Variants in TMED3 observed in about 807,000 individuals in gnomAD.
TMED3 encodes transmembrane p24 trafficking protein 3.
In TMED3, 9 loss-of-function variants were observed where a neutral mutation model predicts 15.0. The ratio of observed to expected loss-of-function variants is 0.60; its 90% CI spans 0.36 to 1.04. The LOEUF (loss-of-function observed/expected upper bound fraction) is 1.04. TMED3 is among the 50% of genes least tolerant of loss of function. The pLI is 0.01. For synonymous variants in TMED3, 117 were observed against 121.4 expected (o/e 0.96, Z 0.24); for missense variants, 267 against 278.9 (o/e 0.96, Z 0.30).
At chr15:79,404,206 CT>C (rs1259521348) in intron 2 of TMED3, among the ~76,000 whole-genome samples, 1 of 152,184 alleles carries the variant, frequency 6.6e-6, no homozygotes, top group Admixed American at 6.6e-5. Context: ...AGTCAAACCC[CT>C]ATATGAATTA....
intron 2 of TMED3, among the ~76,000 whole-genome samples, chr15:79,332,498 A>G (rs1169495298): frequency 6.6e-6 from 1 of 152,234 alleles, no homozygotes; most frequent in Non-Finnish European, 1.5e-5. Context: ...CCTCCCACTA[A>G]GACATGTTAA....
intron 2 of TMED3, among the ~76,000 whole-genome samples, chr15:79,352,084 G>A (rs556620765): frequency 6.6e-6 from 1 of 151,312 alleles, no homozygotes; most frequent in African/African-American, 2.4e-5. Flanking sequence ...GTAGGAGGGG[G>A]GTGAGGGGTA....
At chr15:79,320,819 C>A (rs2058763276) in intron 2 of TMED3, among the ~76,000 whole-genome samples, 1 of 152,202 alleles carries the variant, frequency 6.6e-6, no homozygotes, top group African/African-American at 2.4e-5. Flanking sequence ...TGAGCCTGGG[C>A]AGGTTGGCCA....
intron 2 of TMED3, among the ~76,000 whole-genome samples, chr15:79,408,453 C>A (rs1893930606): frequency 6.6e-6 from 1 of 152,194 alleles, no homozygotes. Context: ...CATAGGGCAT[C>A]TGCAAGGAAG....
chr15:79,379,435 T>A (rs1893482133), intron 2 of TMED3, among the ~76,000 whole-genome samples: 1 of 152,190 alleles, frequency 6.6e-6, no homozygotes, highest in Non-Finnish European at 1.5e-5. Context: ...ACTTTATTTT[T>A]CAATATGTGT....
chr15:79,327,604 A>G (rs530532213), downstream of TMED3, among the ~76,000 whole-genome samples: 4 of 152,256 alleles, frequency 2.6e-5, no homozygotes, highest in African/African-American at 9.6e-5. Flanking sequence ...TGCCTAGCAC[A>G]ATACTGGTCT....
intron 2 of TMED3, among the ~76,000 whole-genome samples, chr15:79,358,474 G>C (rs1893059691): frequency 1.3e-5 from 2 of 152,236 alleles, no homozygotes. Context: ...AGACTGAGCA[G>C]GTTGAGAGTG....
chr15:79,399,961 A>G (rs1893812058), intron 2 of TMED3, among the ~76,000 whole-genome samples: 2 of 152,186 alleles, frequency 1.3e-5, no homozygotes, highest in African/African-American at 4.8e-5. Flanking sequence ...GGTAATTTAC[A>G]AGGTATCCCA....
intron 1 of TMED3, among the ~76,000 whole-genome samples, chr15:79,313,080 C>T (rs2058723655): frequency 6.6e-6 from 1 of 152,198 alleles, no homozygotes; most frequent in Admixed American, 6.5e-5. Flanking sequence ...TTATTGACTC[C>T]TCACTTCATG....
At chr15:79,366,458 T>C (rs1047252786) in intron 2 of TMED3, among the ~76,000 whole-genome samples, 11 of 152,258 alleles carry the variant, frequency 7.2e-5, no homozygotes, top group African/African-American at 2.4e-4. Context: ...TTAGTTTCTA[T>C]AGAGAACCAA....
In TMED3 at chr15:79,353,158, T is replaced by C. The variant is rs1243603577; in HGVS notation, c.417+39153T>C. 1.5e-3 allele frequency among the ~76,000 whole-genome samples: 96 copies of C among 64,174 alleles called. 1 individual carries two copies. The highest frequency in any genetic ancestry group is 6.7e-3 in the African/African-American group (94 of 14,080). 42.1% of individuals were successfully genotyped at this position (64,174 alleles called of 152,430 possible). A position where few individuals can be genotyped will look rare whatever the true frequency, so the allele number is the denominator to read the frequency against. On this transcript the variant is annotated intron_variant, in intron 2 of 2. Transcript: ENST00000424155. The stretch of plus-strand genomic sequence containing the variant: ...ATATATAAAAAATATATAAAATATA[T>C]ATAAATATATATACATAATATATAA...
chr15:79,380,600 T>TATATAGAGAG (rs1179065508), intron 2 of TMED3, among the ~76,000 whole-genome samples: 1 of 146,572 alleles, frequency 6.8e-6, no homozygotes, highest in Admixed American at 6.9e-5. Flanking sequence ...TATATATATA[T>TATATAGAGAG]AGAGAGAGAG....
chr15:79,353,225 ATAATATAT>A (rs2058902059), intron 2 of TMED3, among the ~76,000 whole-genome samples: 25 of 80,196 alleles, frequency 3.1e-4, no homozygotes, highest in Non-Finnish European at 4.8e-4. Context: ...TATATTATAC[ATAATATAT>A]AAAATATATA....
chr15:79,318,744 A>G (rs2058751375), intron 2 of TMED3, among the ~76,000 whole-genome samples: 1 of 152,168 alleles, frequency 6.6e-6, no homozygotes, highest in Admixed American at 6.5e-5. Context: ...GACATGCTTT[A>G]GTGAGCTTTG....
intron 2 of TMED3, among the ~76,000 whole-genome samples, chr15:79,364,443 A>G (rs1188395580): frequency 6.6e-6 from 1 of 152,006 alleles, no homozygotes; most frequent in African/African-American, 2.4e-5. Context: ...GAGACAGAGA[A>G]ATACTGGGTA....
chr15:79,356,177 C>T (rs1034385636), intron 2 of TMED3, among the ~76,000 whole-genome samples: 6 of 152,270 alleles, frequency 3.9e-5, no homozygotes, highest in Non-Finnish European at 5.9e-5. Flanking sequence ...ACACTTTCTG[C>T]AGGGATGAAG....
intron 2 of TMED3, among the ~76,000 whole-genome samples, chr15:79,367,511 T>C (rs767816806): frequency 6.6e-6 from 1 of 152,216 alleles, no homozygotes; most frequent in Non-Finnish European, 1.5e-5. Flanking sequence ...AGTCCTATCA[T>C]AGGTCTTTTC....
intron 2 of TMED3, chr15:79,384,861 G>A (rs1480486577): frequency 6.6e-6 from 1 of 152,170 alleles, no homozygotes; most frequent in Non-Finnish European, 1.5e-5. Flanking sequence ...ATCTGTATAA[G>A]AAATGAACAG....
At chr15:79,347,730 C>T (rs1375566406) in intron 2 of TMED3, among the ~76,000 whole-genome samples, 1 of 152,076 alleles carries the variant, frequency 6.6e-6, no homozygotes, top group South Asian at 2.1e-4. Context: ...CATTCTTATA[C>T]GCCAACAACA....
Sources: gnomAD v4.1 joint callset for allele counts (sites outside exome capture counted in the v4.1 genomes callset) on GRCh38, gnomAD v4.1.1 for gene constraint, MANE v1.5 for transcripts, NCBI Gene and HGNC (gene_info 2026-07-23, HGNC 2026-07-21) for gene names.